Variants in MGAT4A observed in about 807,000 individuals in gnomAD.
MGAT4A encodes the protein alpha-1,3-mannosyl-glycoprotein 4-beta-N-acetylglucosaminyltransferase A.
In MGAT4A, 33 loss-of-function variants were observed where a neutral mutation model predicts 74.1. The ratio of observed to expected loss-of-function variants is 0.45; its 90% confidence interval spans 0.34 to 0.60. MGAT4A has a LOEUF of 0.60. Among genes scored for constraint, MGAT4A ranks in the 20% least tolerant of loss-of-function variants. The pLI, the probability that MGAT4A is intolerant of heterozygous loss-of-function variation, is 0.02. For synonymous variants in MGAT4A, 198 were observed against 210.4 expected (o/e 0.94, Z 0.51); for missense variants, 479 against 628.3 (o/e 0.76, Z 2.54).
chr2:98,681,119 A>G (rs1252311232), intron 2 of MGAT4A, among the ~76,000 whole-genome samples: 1 of 152,152 alleles, frequency 6.6e-6, no homozygotes, highest in Admixed American at 6.5e-5. Flanking sequence ...AGTAGCTGGG[A>G]CTACAGGCGC....
At chr2:98,674,189 T>C (rs749626580) in intron 4 of MGAT4A, among the ~76,000 whole-genome samples, 16 of 152,282 alleles carry the variant, frequency 1.1e-4, no homozygotes, top group Non-Finnish European at 1.6e-4. Context: ...AAGAATCCCA[T>C]TGAATCAAAA....
intron 2 of MGAT4A, among the ~76,000 whole-genome samples, chr2:98,713,134 C>G (rs889271839): frequency 7.2e-6 from 1 of 139,172 alleles, no homozygotes; most frequent in Admixed American, 7.8e-5. Context: ...TGCAGTGGGC[C>G]GAGATCACAC....
Position 98,656,485 on chromosome 2 carries a change from T to C in MGAT4A, c.585-20A>G. On this transcript the variant is annotated intron_variant, in intron 6 of 15. Coordinates refer to ENST00000393487, the MANE Select transcript of MGAT4A (RefSeq NM_012214.3). Reference sequence around the variant, plus strand: ...GAAAATCTATTATGAGAAAGTTAGCTGAGTTACTTAAGTTCTGTGGGATTT... The same window carrying C: ...GAAAATCTATTATGAGAAAGTTAGCCGAGTTACTTAAGTTCTGTGGGATTT... 1 of 1,505,242 alleles carries C rather than the reference T, an allele frequency of 6.6e-7. No individual in the cohort carries two copies. The highest frequency in any genetic ancestry group is 9.2e-7 in the Non-Finnish European group (1 of 1,090,734). 93.2% of individuals were successfully genotyped at this position (1,505,242 alleles called of 1,614,324 possible).
intron 2 of MGAT4A, among the ~76,000 whole-genome samples, chr2:98,697,200 T>C (rs758153071): frequency 3.3e-5 from 5 of 152,234 alleles, no homozygotes; most frequent in African/African-American, 4.8e-5. Flanking sequence ...ACCCATGCCA[T>C]GGAATCCTCC....
intron 2 of MGAT4A, among the ~76,000 whole-genome samples, chr2:98,708,213 C>T (rs946380477): frequency 1.3e-5 from 2 of 151,960 alleles, no homozygotes; most frequent in African/African-American, 2.4e-5. Flanking sequence ...TGGGATCCTC[C>T]CACCTTGGCC....
chr2:98,620,022 G>C lies in MGAT4A; in HGVS notation c.*5544C>G, dbSNP rs1333231315. 3 of 152,146 alleles carry C rather than the reference G, an allele frequency of 2.0e-5. No individual in the cohort carries two copies. The highest frequency in any genetic ancestry group is 4.4e-5 in the Non-Finnish European group (3 of 68,032). 9.4% of individuals were successfully genotyped at this position (152,146 alleles called of 1,614,324 possible). On this transcript the variant is annotated 3_prime_UTR_variant, in exon 16 of 16. Transcript: ENST00000393487. ...GGTCTTCTAAATTCTCAGCTCAGAT[G>C]CACCCTGGAGTGCCAGCTTGCTCCT...
intron 14 of MGAT4A, among the ~76,000 whole-genome samples, chr2:98,633,994 C>T (rs1014369791): frequency 2.0e-5 from 3 of 152,178 alleles, no homozygotes; most frequent in Admixed American, 6.5e-5. Context: ...AAAGGTAAAA[C>T]TGTTCTAGAA....
At chr2:98,671,398 C>G (rs1223826181) in intron 4 of MGAT4A, among the ~76,000 whole-genome samples, 3 of 152,154 alleles carry the variant, frequency 2.0e-5, no homozygotes, top group Non-Finnish European at 4.4e-5. Context: ...TGTTGAAAAC[C>G]CTTCAATGGC....
At chr2:98,662,370 A>G (rs1453401858) in intron 5 of MGAT4A, among the ~76,000 whole-genome samples, 1 of 152,164 alleles carries the variant, frequency 6.6e-6, no homozygotes, top group Non-Finnish European at 1.5e-5. Context: ...ATATTTATGT[A>G]ATTGTTTTGA....
rs1701025818 is a variant in MGAT4A at position 98,620,116 on chromosome 2, A to G, written c.*5450T>C. 2 of 152,210 alleles carry G rather than the reference A, an allele frequency of 1.3e-5. No individual in the cohort carries two copies. Among genetic ancestry groups the G allele is most frequent in the Non-Finnish European group, 2.9e-5 (2 of 68,030 alleles). The allele number at this position is 152,210 out of a possible 1,614,324, so 9.4% of individuals were successfully genotyped here. A position where few individuals can be genotyped will look rare whatever the true frequency, so the allele number is the denominator to read the frequency against. ...GGGTGAAGGAGTGTTTCAGGTAAGA[A>G]GAAGAGTTTATATATAGGTGTTGAT... On this transcript the variant is annotated 3_prime_UTR_variant, in exon 16 of 16. Coordinates refer to ENST00000393487, the MANE Select transcript of MGAT4A (RefSeq NM_012214.3).
At position 98,623,402 on chromosome 2, in the gene MGAT4A, G is replaced by A; in HGVS notation, c.*2164C>T. 1 of 985,410 alleles carries A rather than the reference G, an allele frequency of 1.0e-6. No homozygotes were observed. The highest frequency in any genetic ancestry group is 1.2e-6 in the Non-Finnish European group (1 of 829,930). 61.0% of individuals were successfully genotyped at this position (985,410 alleles called of 1,614,324 possible). A position where few individuals can be genotyped will look rare whatever the true frequency, so the allele number is the denominator to read the frequency against. On this transcript the variant is annotated 3_prime_UTR_variant, in exon 16 of 16. Coordinates refer to ENST00000393487, the MANE Select transcript of MGAT4A (RefSeq NM_012214.3). ...CATGAAACCAGAGTTGGCAACTGAG[G>A]AACCAGGGACCCAAGAGTACTCCTA... is the stretch of plus-strand genomic sequence containing the variant.
intron 5 of MGAT4A, 85 bp from the exon 6 acceptor site, chr2:98,658,349 A>C (rs973863984): frequency 4.1e-6 from 3 of 736,318 alleles, no homozygotes; most frequent in Non-Finnish European, 6.7e-6. Flanking sequence ...TAAATGAATG[A>C]TAAAAACATT....
intron 4 of MGAT4A, among the ~76,000 whole-genome samples, chr2:98,671,290 T>C (rs1389521190): frequency 6.6e-6 from 1 of 152,240 alleles, no homozygotes; most frequent in African/African-American, 2.4e-5. Flanking sequence ...GGTTTTTCAT[T>C]ATCTATTCCT....
intron 6 of MGAT4A, among the ~76,000 whole-genome samples, chr2:98,657,400 T>C (rs1701674488): frequency 6.6e-6 from 1 of 152,196 alleles, no homozygotes; most frequent in South Asian, 2.1e-4. Context: ...CAATCATTAC[T>C]GCCCTGTTCC....
At chr2:98,639,575 T>A (rs1001714122) in intron 12 of MGAT4A, among the ~76,000 whole-genome samples, 1 of 152,140 alleles carries the variant, frequency 6.6e-6, no homozygotes, top group Non-Finnish European at 1.5e-5. Context: ...CTAGATATAC[T>A]AAGTCCAGAA....
intron 2 of MGAT4A, chr2:98,693,980 G>C (rs1702230850): frequency 6.5e-6 from 1 of 152,884 alleles, no homozygotes; most frequent in Admixed American, 6.5e-5. Flanking sequence ...ACTTGATTAA[G>C]CCTAACGTAA....
At chr2:98,665,802 G>A (rs1307218242) in intron 4 of MGAT4A, among the ~76,000 whole-genome samples, 1 of 152,240 alleles carries the variant, frequency 6.6e-6, no homozygotes, top group Non-Finnish European at 1.5e-5. Flanking sequence ...CAGCTGAGCT[G>A]GTAACCATGA....
intron 5 of MGAT4A, among the ~76,000 whole-genome samples, chr2:98,658,559 T>C (rs1297677670): frequency 2.0e-5 from 3 of 152,176 alleles, no homozygotes; most frequent in Non-Finnish European, 4.4e-5. Context: ...CTATTGTGAA[T>C]AGCATTAGTG....
intron 8 of MGAT4A, among the ~76,000 whole-genome samples, chr2:98,648,078 C>T (rs1403902222): frequency 1.3e-5 from 2 of 152,164 alleles, no homozygotes; most frequent in Non-Finnish European, 2.9e-5. Context: ...ATGTTTTTCC[C>T]ACTAATACTC....
Sources: gnomAD v4.1 joint callset for allele counts (sites outside exome capture counted in the v4.1 genomes callset) on GRCh38, gnomAD v4.1.1 for gene constraint, MANE v1.5 for transcripts, NCBI Gene and HGNC (gene_info 2026-07-23, HGNC 2026-07-21) for gene names.